The following CPVL variants were observed in gnomAD, a reference collection of about 807,000 sequenced individuals.
CPVL encodes the protein carboxypeptidase vitellogenic like.
In CPVL, 51 loss-of-function variants were observed where a neutral mutation model predicts 63.7. That is an observed-to-expected ratio of 0.80 (90% CI 0.64 to 1.01). The LOEUF (loss-of-function observed/expected upper bound fraction) is 1.01, where lower values mean the gene tolerates loss of function less well. CPVL is among the 50% of genes least tolerant of loss of function. The probability of loss-of-function intolerance (pLI) is 0.00; values close to 1 mark genes in which losing one functional copy is unlikely to be tolerated. For synonymous variants in CPVL, 195 were observed against 206.0 expected (o/e 0.95, Z 0.46); for missense variants, 530 against 573.1 (o/e 0.92, Z 0.77).
Position 28,995,712 on chromosome 7 carries a change from G to T in CPVL, c.*60C>A. The T allele has an allele frequency of 1.0e-6, 1 of 1,000,972 alleles. No homozygotes were observed. Among genetic ancestry groups the T allele is most frequent in the Non-Finnish European group, 1.5e-6 (1 of 661,010 alleles). 62.0% of individuals were successfully genotyped at this position (1,000,972 alleles called of 1,614,324 possible). ...TTTTTTTATTCCTATGACATTTTCTGTTTTTACGATTTTCTTTTCAGCAAT... is the reference window on the plus strand; with the variant it reads ...TTTTTTTATTCCTATGACATTTTCTTTTTTTACGATTTTCTTTTCAGCAAT... On this transcript the variant is annotated 3_prime_UTR_variant, in exon 13 of 13. Transcript: ENST00000265394.
chr7:29,095,484 C>T (rs1786309376), intron 4 of CPVL, among the ~76,000 whole-genome samples: 1 of 152,100 alleles, frequency 6.6e-6, no homozygotes, highest in Non-Finnish European at 1.5e-5. Context: ...ATCCTTAATG[C>T]TCCATCTCTT....
In CPVL at chr7:29,123,586, T is replaced by C. The variant is rs577838989; in HGVS notation, c.-10-2515A>G. On this transcript the variant is annotated intron_variant, in intron 1 of 12. Transcript: ENST00000265394. ...GCCTGAAATCAACAATCTTACTCTC[T>C]AACTGGTTCAGAAAAAAAAAAAAAA... is the stretch of plus-strand genomic sequence containing the variant. Among the ~76,000 whole-genome samples the C allele has an allele frequency of 5.8e-4, 59 of 101,266 alleles. 1 individual carries two copies. In the South Asian group the frequency reaches 0.01, roughly 17 times the overall value. The allele number at this position is 101,266 out of a possible 152,430, so 66.4% of individuals were successfully genotyped here.
chr7:28,997,419 A>C (rs1382615072), intron 12 of CPVL, among the ~76,000 whole-genome samples: 2 of 152,210 alleles, frequency 1.3e-5, no homozygotes, highest in Non-Finnish European at 2.9e-5. Context: ...TGGATAGTAC[A>C]TTTATTATAT....
intron 12 of CPVL, among the ~76,000 whole-genome samples, chr7:29,024,699 G>A (rs1291482550): frequency 6.6e-6 from 1 of 152,112 alleles, no homozygotes; most frequent in Admixed American, 6.5e-5. Flanking sequence ...TATTCAAAGT[G>A]CTGAAAGAAC....
intron 1 of CPVL, chr7:29,127,433 C>T (rs1790151838): frequency 6.6e-6 from 1 of 152,078 alleles, no homozygotes; most frequent in Admixed American, 6.5e-5. Flanking sequence ...AACAACCTTA[C>T]CTTGTCATCT....
rs192433265 is a variant in CPVL, at chr7:29,104,076, A to G, written c.289-7859T>C. Among the ~76,000 whole-genome samples, 1,103 of 152,280 alleles carry G rather than the reference A, an allele frequency of 7.2e-3. 6 individuals carry two copies. Among genetic ancestry groups the G allele is most frequent in the Non-Finnish European group, 0.011 (780 of 68,026 alleles). On this transcript the variant is annotated intron_variant, in intron 3 of 12. Coordinates refer to ENST00000265394, the MANE Select transcript of CPVL (RefSeq NM_031311.5). ...TTAATTTTGTGACTAGAATTGTTAA[A>G]TAGGTACATAACATTTTAATTCTAC...
At chr7:29,159,111 T>A (rs1238052479) in intron 5 of CPVL, among the ~76,000 whole-genome samples, 1 of 152,200 alleles carries the variant, frequency 6.6e-6, no homozygotes, top group African/African-American at 2.4e-5. Context: ...CCTAATGGGC[T>A]ACACAGCACA....
intron 7 of CPVL, among the ~76,000 whole-genome samples, chr7:29,082,938 G>A (rs1784875927): frequency 1.3e-5 from 2 of 152,156 alleles, no homozygotes; most frequent in South Asian, 4.2e-4. Flanking sequence ...GGGAGGTGGA[G>A]AATGGGCATT....
intron 5 of CPVL, among the ~76,000 whole-genome samples, chr7:29,168,737 A>G (rs1023262972): frequency 6.6e-6 from 1 of 152,244 alleles, no homozygotes; most frequent in Non-Finnish European, 1.5e-5. Context: ...AAACACACTT[A>G]AAAACTATTT....
At chr7:29,159,522 A>C (rs1171241626) in intron 5 of CPVL, among the ~76,000 whole-genome samples, 3 of 152,210 alleles carry the variant, frequency 2.0e-5, no homozygotes. Context: ...TGTAACATGT[A>C]TGTGTTATCA....
At chr7:29,059,607 T>C (rs1364765706) in intron 11 of CPVL, among the ~76,000 whole-genome samples, 7 of 152,136 alleles carry the variant, frequency 4.6e-5, no homozygotes, top group Non-Finnish European at 1.0e-4. Flanking sequence ...ATCATCTCAA[T>C]TGACACAAAA....
At chr7:29,072,036 T>C in intron 8 of CPVL, 132 bp from the exon 9 acceptor site, 2 of 1,075,536 alleles carry the variant, frequency 1.9e-6, no homozygotes, top group Non-Finnish European at 2.7e-6. Context: ...GATAATTACA[T>C]GCACACACAC....
intron 1 of CPVL, among the ~76,000 whole-genome samples, chr7:29,133,952 T>A (rs1343862861): frequency 6.6e-6 from 1 of 151,786 alleles, no homozygotes; most frequent in Non-Finnish European, 1.5e-5. Context: ...TTGGCAAGAG[T>A]CTATAACAGC....
chr7:29,194,632 C>G, intron 1 of CPVL: 1 of 298,070 alleles, frequency 3.4e-6, no homozygotes, highest in East Asian at 5.7e-5. Context: ...AGGGGCTCGG[C>G]GGGAGCCGAG....
At chr7:29,140,275 CA>C (rs1791733469) in intron 1 of CPVL, among the ~76,000 whole-genome samples, 2 of 151,576 alleles carry the variant, frequency 1.3e-5, no homozygotes, top group African/African-American at 4.9e-5. Flanking sequence ...CCCTGTCTCA[CA>C]TCAAACAAAC....
At chr7:29,002,870 A>C in intron 12 of CPVL, among the ~76,000 whole-genome samples, 1 of 151,040 alleles carries the variant, frequency 6.6e-6, no homozygotes, top group African/African-American at 2.4e-5. Context: ...AAAATTCAAA[A>C]AAAAAAAAAA....
At chr7:29,017,152 A>T (rs1786493791) in intron 12 of CPVL, among the ~76,000 whole-genome samples, 4 of 152,290 alleles carry the variant, frequency 2.6e-5, no homozygotes, top group Middle Eastern at 6.8e-3. Flanking sequence ...TATGAGCCAG[A>T]CTATGCACTC....
At chr7:29,050,588 T>C (rs766009908) in intron 11 of CPVL, among the ~76,000 whole-genome samples, 115 of 151,758 alleles carry the variant, frequency 7.6e-4, no homozygotes, top group Admixed American at 6.6e-4. Context: ...AAATCATAAA[T>C]ACAAATAAAC....
chr7:29,170,063 A>G (rs535241871), intron 5 of CPVL, among the ~76,000 whole-genome samples: 1 of 151,934 alleles, frequency 6.6e-6, no homozygotes, highest in East Asian at 1.9e-4. Flanking sequence ...TGATCCTTGT[A>G]TTTGGCCTTC....
Sources: gnomAD v4.1 joint callset for allele counts (sites outside exome capture counted in the v4.1 genomes callset) on GRCh38, gnomAD v4.1.1 for gene constraint, MANE v1.5 for transcripts, NCBI Gene and HGNC (gene_info 2026-07-23, HGNC 2026-07-21) for gene names.